The following UTS2 variants were observed in gnomAD, a reference collection of about 807,000 sequenced individuals.
UTS2 encodes the protein urotensin-2.
A neutral mutation model predicts 12.6 loss-of-function variants in UTS2; 10 were observed. The ratio of observed to expected loss-of-function variants is 0.80; its 90% CI spans 0.49 to 1.35. UTS2 has a LOEUF of 1.35. Ranked by LOEUF, UTS2 falls within the 40% of genes most tolerant of loss-of-function variation. The pLI, the probability that UTS2 is intolerant of heterozygous loss-of-function variation, is 0.00. For synonymous variants in UTS2, 52 were observed against 50.0 expected (o/e 1.04, Z -0.17); for missense variants, 142 against 143.2 (o/e 0.99, Z 0.04).
the UTS2 span, among the ~76,000 whole-genome samples, chr1:7,900,484 T>C: frequency 6.6e-6 from 1 of 152,122 alleles, no homozygotes; most frequent in Non-Finnish European, 1.5e-5. Context: ...ACCACATTAA[T>C]ATTTTGTTTT....
intron 2 of UTS2, among the ~76,000 whole-genome samples, chr1:7,850,454 T>C (rs2151382495): frequency 6.6e-6 from 1 of 152,298 alleles, no homozygotes; most frequent in East Asian, 1.9e-4. Flanking sequence ...CATTCCTGAT[T>C]ACAGATTAAG....
At chr1:7,904,637 G>A in the UTS2 span, among the ~76,000 whole-genome samples, 1 of 152,174 alleles carries the variant, frequency 6.6e-6, no homozygotes, top group Non-Finnish European at 1.5e-5. Flanking sequence ...GGGAGCAGTG[G>A]CTCACGCCTA....
the UTS2 span, among the ~76,000 whole-genome samples, chr1:7,903,634 C>T: frequency 1.3e-5 from 2 of 150,994 alleles, no homozygotes; most frequent in African/African-American, 4.9e-5. Flanking sequence ...AAGCGATCCT[C>T]CCACGTCGGC....
the UTS2 span, among the ~76,000 whole-genome samples, chr1:7,909,249 T>G: frequency 0.64 from 97,453 of 152,046 alleles, 31,811 homozygotes; most frequent in African/African-American, 0.74. Flanking sequence ...TTTTTGAAAG[T>G]TAATTAAAAA....
At chr1:7,911,018 G>A in the UTS2 span, among the ~76,000 whole-genome samples, 89,062 of 150,616 alleles carry the variant, frequency 0.59, 27,242 homozygotes, top group East Asian at 0.92. Flanking sequence ...GTGAGCCACC[G>A]TGACTGCCTC....
At chr1:7,882,351 T>C in the UTS2 span, among the ~76,000 whole-genome samples, 1 of 152,000 alleles carries the variant, frequency 6.6e-6, no homozygotes, top group Admixed American at 6.6e-5. Context: ...AATAAATAAA[T>C]AGTGCTGGAG....
At chr1:7,865,735 C>T in the UTS2 span, among the ~76,000 whole-genome samples, 1 of 152,156 alleles carries the variant, frequency 6.6e-6, no homozygotes, top group Non-Finnish European at 1.5e-5. Flanking sequence ...GAGTTCCAGA[C>T]CAGCCCGAGC....
At chr1:7,854,063 C>T (rs1203959307), upstream of UTS2, among the ~76,000 whole-genome samples, 1 of 151,984 alleles carries the variant, frequency 6.6e-6, no homozygotes. Context: ...AACACTGTCT[C>T]GGCCGGGTGC....
the UTS2 span, among the ~76,000 whole-genome samples, chr1:7,890,737 A>G: frequency 1.3e-5 from 2 of 150,750 alleles, no homozygotes; most frequent in African/African-American, 2.4e-5. Flanking sequence ...ACAAAAAAAA[A>G]AAAAAAAAAT....
At position 7,849,643 on chromosome 1, in the gene UTS2, T is replaced by G. The variant is rs1397142491; in HGVS notation, c.255A>C (p.Arg85Ser). The change falls in exon 3 of 4, where the codon AGA becomes AGC. Residue 85 changes from arginine (R) to serine (S), a missense_variant. Physicochemically the swap from Arg to Ser is moderately radical, Grantham distance 110 (BLOSUM62 -1). Transcript: ENST00000361696. ...TNIFNPRGNLRKFQDFSGQDP... is the reference protein window; with the variant it reads ...TNIFNPRGNLSKFQDFSGQDP... ...ACTCATAAATAGAGTCACTTACCTT[T>G]CTCAAATTTCCTCTTGGGTTAAAAA... 4 of 1,609,910 alleles carry G rather than the reference T, an allele frequency of 2.5e-6. No homozygotes were observed. The East Asian group carries it at 6.7e-5, about 27-fold the overall frequency.
the UTS2 span, among the ~76,000 whole-genome samples, chr1:7,866,112 C>T: frequency 1.1e-4 from 16 of 152,252 alleles, no homozygotes; most frequent in East Asian, 1.9e-4. This position sits in a 1 kb window ranked among gnomAD's most constrained non-coding sequence, Gnocchi z 4.5. Context: ...CCGTCATGGT[C>T]GACCACGCTG....
At chr1:7,852,813 C>T in intron 1 of UTS2, 88 bp downstream of exon 1, 7 of 1,432,176 alleles carry the variant, frequency 4.9e-6, no homozygotes, top group Non-Finnish European at 5.6e-6. Flanking sequence ...CTCCTTCGAG[C>T]AGGAATCCCA....
At chr1:7,887,723 T>C in the UTS2 span, among the ~76,000 whole-genome samples, 1 of 138,746 alleles carries the variant, frequency 7.2e-6, no homozygotes, top group African/African-American at 2.7e-5. Flanking sequence ...GACCCACCAC[T>C]CCAGCCTGGG....
upstream of UTS2, chr1:7,853,143 A>G: frequency 6.9e-7 from 1 of 1,451,118 alleles, no homozygotes; most frequent in Non-Finnish European, 9.1e-7. Context: ...AAAAAAAATG[A>G]ATTTATTGGC....
chr1:7,856,938 A>G (rs1638321040), upstream of UTS2, among the ~76,000 whole-genome samples: 1 of 151,916 alleles, frequency 6.6e-6, no homozygotes, highest in Non-Finnish European at 1.5e-5. Flanking sequence ...GTGGGCGCCT[A>G]TGATCCCAGC....
the UTS2 span, among the ~76,000 whole-genome samples, chr1:7,889,991 C>T: frequency 4.6e-5 from 7 of 151,952 alleles, no homozygotes; most frequent in East Asian, 1.2e-3. Flanking sequence ...GGCTTGAACC[C>T]GGGAGGCGGA....
the UTS2 span, among the ~76,000 whole-genome samples, chr1:7,860,165 G>A: frequency 4.6e-5 from 7 of 152,284 alleles, no homozygotes; most frequent in South Asian, 8.3e-4. Flanking sequence ...AAGCCTCACC[G>A]AGTTTATGTT....
the UTS2 span, among the ~76,000 whole-genome samples, chr1:7,884,021 T>G: frequency 2.0e-5 from 3 of 152,108 alleles, no homozygotes; most frequent in East Asian, 3.9e-4. Context: ...TCCATGTTGG[T>G]CAAGCTGGTC....
At chr1:7,896,698 G>T in the UTS2 span, among the ~76,000 whole-genome samples, 1 of 151,568 alleles carries the variant, frequency 6.6e-6, no homozygotes, top group East Asian at 1.9e-4. Context: ...TATTGAAAAA[G>T]AAGCTTTTTT....
Sources: allele counts gnomAD v4.1 joint callset (sites outside exome capture counted in the v4.1 genomes callset), GRCh38; gene constraint gnomAD v4.1.1; non-coding constraint Gnocchi (gnomAD v3.1); transcripts MANE v1.5; gene names NCBI Gene and HGNC (gene_info 2026-07-23, HGNC 2026-07-21).